Variants in TRMT11 observed in about 807,000 individuals in gnomAD.
TRMT11 encodes tRNA methyltransferase 11.
A neutral mutation model predicts 62.8 loss-of-function variants in TRMT11; 53 were observed. The observed-to-expected ratio is 0.84, with a 90% CI of 0.68 to 1.06. The LOEUF is 1.06. Among genes scored for constraint, TRMT11 ranks in the 50% least tolerant of loss-of-function variants. TRMT11 has a pLI of 0.00. For synonymous variants in TRMT11, 188 were observed against 190.3 expected, an observed-to-expected ratio of 0.99 and a Z score of 0.10; for missense variants, 556 against 553.4, an observed-to-expected ratio of 1.00 and a Z score of -0.05.
chr6:126,234,004 A>G, the TRMT11 span, among the ~76,000 whole-genome samples: 1 of 152,122 alleles, frequency 6.6e-6, no homozygotes, highest in South Asian at 2.1e-4. Flanking sequence ...TATTATTACT[A>G]TTGTATTAGT....
intron 17 of TRMT11, among the ~76,000 whole-genome samples, chr6:126,091,273 T>C (rs1270395604): frequency 4.6e-5 from 7 of 152,044 alleles, no homozygotes; most frequent in African/African-American, 1.7e-4. Context: ...AAACGTTACT[T>C]CATAAGTAGT....
At chr6:126,126,274 TA>T in intron 21 of TRMT11, among the ~76,000 whole-genome samples, 1 of 152,164 alleles carries the variant, frequency 6.6e-6, no homozygotes. Context: ...CAGAAGTTCT[TA>T]AATATTAATG....
rs1490931031 is a variant in TRMT11, at chr6:125,998,588, A to G, written c.426A>G (p.Leu142=). 20 of 1,613,352 alleles carry G rather than the reference A, an allele frequency of 1.2e-5. No homozygotes were observed. The highest frequency in any genetic ancestry group is 1.7e-5 in the Non-Finnish European group (20 of 1,179,676). The stretch of plus-strand genomic sequence containing the variant: ...TGCCATTTGAAGGAAAAGTGAATTT[A>G]AAGAAACCGCAACATGTATTTTCTG... ...EFLPFEGKVN[L]KKPQHVFSVL... The change falls in exon 6 of 13, where the codon TTA becomes TTG. Residue 142 remains leucine, a synonymous_variant. Coordinates refer to ENST00000334379, the MANE Select transcript of TRMT11 (RefSeq NM_001031712.3).
At chr6:126,232,593 G>A in the TRMT11 span, among the ~76,000 whole-genome samples, 2 of 152,160 alleles carry the variant, frequency 1.3e-5, no homozygotes. Flanking sequence ...AGTAGGGCAG[G>A]AAAGTGCTCA....
intron 17 of TRMT11, among the ~76,000 whole-genome samples, chr6:126,072,158 A>G (rs1021622862): frequency 6.6e-6 from 1 of 152,120 alleles, no homozygotes; most frequent in African/African-American, 2.4e-5. Flanking sequence ...CCAGCTGACA[A>G]AAATATTTAC....
chr6:126,196,579 G>A (rs918607115), intron 1 of TRMT11, among the ~76,000 whole-genome samples: 2 of 151,742 alleles, frequency 1.3e-5, no homozygotes, highest in African/African-American at 4.8e-5. Flanking sequence ...ATTACTTGGA[G>A]TTTTATGATA....
intron 17 of TRMT11, among the ~76,000 whole-genome samples, chr6:126,100,739 A>G (rs1187207443): frequency 6.6e-6 from 1 of 152,206 alleles, no homozygotes; most frequent in Non-Finnish European, 1.5e-5. Context: ...TGGTTTTGGG[A>G]TGATTCAAGT....
chr6:126,192,074 C>A (rs115800625), intron 1 of TRMT11, among the ~76,000 whole-genome samples: 1 of 152,064 alleles, frequency 6.6e-6, no homozygotes, highest in Admixed American at 6.5e-5. Context: ...TATCCCAATC[C>A]ATGAACACAG....
intron 17 of TRMT11, among the ~76,000 whole-genome samples, chr6:126,092,804 A>G (rs1777292704): frequency 6.6e-6 from 1 of 152,210 alleles, no homozygotes; most frequent in Non-Finnish European, 1.5e-5. Flanking sequence ...TCTGTTTCCA[A>G]AGATTATTTG....
the TRMT11 span, among the ~76,000 whole-genome samples, chr6:126,226,470 C>T: frequency 1.3e-5 from 2 of 152,118 alleles, no homozygotes; most frequent in Admixed American, 6.5e-5. Flanking sequence ...TATCTGCTCA[C>T]AATCTTTTCT....
At position 125,999,486 on chromosome 6, in the gene TRMT11, G is replaced by T; in HGVS notation, c.552G>T (p.Glu184Asp). The change falls in exon 7 of 13, where the codon GAG becomes GAT. Residue 184 changes from glutamate (E) to aspartate (D), a missense_variant. Transcript: ENST00000334379. ...CAGATGGACAGAGAGAGCTTATTGA[G>T]TCATACAGTGTCAAAAAGAGACACT... Reference protein sequence around the residue: ...WIADGQRELIESYSVKKRHFI... With the variant: ...WIADGQRELIDSYSVKKRHFI... 6.2e-7 allele frequency: 1 copy of T among 1,609,648 alleles called. No individual in the cohort carries two copies. Among genetic ancestry groups the T allele is most frequent in the Non-Finnish European group, 8.5e-7 (1 of 1,178,238 alleles).
intron 17 of TRMT11, among the ~76,000 whole-genome samples, chr6:126,110,156 A>G (rs531652949): frequency 1.3e-5 from 2 of 152,278 alleles, no homozygotes; most frequent in East Asian, 3.9e-4. Context: ...CAGCAATAGC[A>G]GTTGTACCCA....
chr6:126,222,374 A>G, the TRMT11 span, among the ~76,000 whole-genome samples: 1 of 152,308 alleles, frequency 6.6e-6, no homozygotes, highest in Admixed American at 6.5e-5. Context: ...GTTTGATAAA[A>G]ATAGCATTGA....
intron 21 of TRMT11, among the ~76,000 whole-genome samples, chr6:126,156,294 G>A (rs1278824351): frequency 1.3e-5 from 2 of 152,204 alleles, no homozygotes; most frequent in East Asian, 1.9e-4. Flanking sequence ...CCACTAGGCA[G>A]TGTCATTGTG....
chr6:126,193,892 C>A (rs1778634632), intron 1 of TRMT11, among the ~76,000 whole-genome samples: 1 of 151,990 alleles, frequency 6.6e-6, no homozygotes. Context: ...GAATTTTATT[C>A]AAAAAATTTA....
At chr6:126,167,052 C>A (rs894177957) in intron 21 of TRMT11, among the ~76,000 whole-genome samples, 8 of 152,170 alleles carry the variant, frequency 5.3e-5, no homozygotes, top group Admixed American at 1.3e-4. Flanking sequence ...TGTCAGGCTT[C>A]ATTGGGGGTG....
chr6:126,023,075 G>C (rs1231761439), intron 12 of TRMT11, among the ~76,000 whole-genome samples: 1 of 152,046 alleles, frequency 6.6e-6, no homozygotes, highest in Non-Finnish European at 1.5e-5. Context: ...GATTTTACTG[G>C]ACTTTGCTGC....
chr6:126,155,781 C>A (rs1017364477), intron 21 of TRMT11, among the ~76,000 whole-genome samples: 2 of 152,150 alleles, frequency 1.3e-5, no homozygotes, highest in Non-Finnish European at 2.9e-5. Context: ...AGTGCAGTGG[C>A]GCAGTCTCAG....
chr6:126,201,101 G>T (rs1778730438), intron 3 of TRMT11, among the ~76,000 whole-genome samples: 1 of 152,070 alleles, frequency 6.6e-6, no homozygotes, highest in Admixed American at 6.5e-5. Flanking sequence ...ATGAAATCTT[G>T]GCATCTTTAA....
Sources: allele counts gnomAD v4.1 joint callset (sites outside exome capture counted in the v4.1 genomes callset), GRCh38; gene constraint gnomAD v4.1.1; transcripts MANE v1.5; gene names NCBI Gene and HGNC (gene_info 2026-07-23, HGNC 2026-07-21).